Variants in SGCZ observed in about 807,000 individuals in gnomAD.
SGCZ encodes the protein sarcoglycan zeta.
SGCZ carries 40 observed loss-of-function variants against 41.3 expected under a neutral mutation model. That is an observed-to-expected ratio of 0.97 (90% CI 0.75 to 1.26). SGCZ has a LOEUF of 1.26. Among genes scored for constraint, SGCZ ranks in the 50% most tolerant of loss-of-function variants. The pLI, the probability that SGCZ is intolerant of heterozygous loss-of-function variation, is 0.00. For synonymous variants in SGCZ, 206 were observed against 137.5 expected (o/e 1.50, Z -3.49); for missense variants, 552 against 369.8 (o/e 1.49, Z -4.04).
chr8:14,159,594 C>T (rs1329603796), intron 5 of SGCZ, among the ~76,000 whole-genome samples: 1 of 152,168 alleles, frequency 6.6e-6, no homozygotes, highest in Non-Finnish European at 1.5e-5. Context: ...AGTTGAGTGA[C>T]TGATCCAGGT....
rs766120059 is a variant in SGCZ at position 15,237,665 on chromosome 8, CACCCAAAA to C, written c.-50_-43del. 6 of 1,560,296 alleles carry C rather than the reference CACCCAAAA, an allele frequency of 3.8e-6. No individual in the cohort carries two copies. Among genetic ancestry groups the C allele is most frequent in the Non-Finnish European group, 5.2e-6 (6 of 1,150,234 alleles). ...AAGTGGAGAGGAACCGGGCGAGTGGCACCCAAAAACAATCTAGTCTTTTAGTTTCCAGC... is the reference window on the plus strand; with the variant it reads ...AAGTGGAGAGGAACCGGGCGAGTGGCACAATCTAGTCTTTTAGTTTCCAGC... On this transcript the variant is annotated 5_prime_UTR_variant, in exon 1 of 8. Coordinates refer to ENST00000382080, the MANE Select transcript of SGCZ (RefSeq NM_139167.4).
chr8:14,735,904 G>C (rs985883896), intron 1 of SGCZ, among the ~76,000 whole-genome samples: 2 of 152,036 alleles, frequency 1.3e-5, no homozygotes, highest in African/African-American at 2.4e-5. Flanking sequence ...AGCGAGTAAA[G>C]CCATTCCTGA....
chr8:14,489,268 C>A (rs1801771824), intron 2 of SGCZ, among the ~76,000 whole-genome samples: 2 of 151,978 alleles, frequency 1.3e-5, no homozygotes. Context: ...TTTAAACTAC[C>A]ACTTACTACA....
At chr8:14,468,583 T>C (rs186197168) in intron 2 of SGCZ, among the ~76,000 whole-genome samples, 1 of 152,094 alleles carries the variant, frequency 6.6e-6, no homozygotes, top group South Asian at 2.1e-4. Flanking sequence ...CAGCAAATAA[T>C]TGACTTAACG....
At chr8:14,761,249 T>C (rs1799861771) in intron 1 of SGCZ, among the ~76,000 whole-genome samples, 1 of 152,110 alleles carries the variant, frequency 6.6e-6, no homozygotes, top group African/African-American at 2.4e-5. Flanking sequence ...AGCACATTTC[T>C]GAAAAGTACA....
At chr8:14,971,205 G>A (rs567124466) in intron 1 of SGCZ, among the ~76,000 whole-genome samples, 2 of 152,112 alleles carry the variant, frequency 1.3e-5, no homozygotes, top group Admixed American at 6.5e-5. Context: ...TTAGTTTCAT[G>A]TCTTCTTTTT....
chr8:14,285,895 A>T (rs1325830833), intron 3 of SGCZ, among the ~76,000 whole-genome samples: 2 of 152,108 alleles, frequency 1.3e-5, no homozygotes, highest in Non-Finnish European at 2.9e-5. Context: ...AATTTTATGT[A>T]AAAAAGGAGA....
At chr8:14,369,473 T>C (rs73664326) in intron 2 of SGCZ, among the ~76,000 whole-genome samples, 10,503 of 152,022 alleles carry the variant, frequency 0.069, 1,101 homozygotes, top group African/African-American at 0.22. Flanking sequence ...CTAGAGGCAC[T>C]CAATGGCAGT....
intron 2 of SGCZ, among the ~76,000 whole-genome samples, chr8:14,521,902 G>C (rs552163180): frequency 1.3e-5 from 2 of 152,190 alleles, no homozygotes; most frequent in South Asian, 4.2e-4. Context: ...GTTTGCTGTA[G>C]ATGCTGTACG....
chr8:14,565,040 A>G (rs1011569370), intron 1 of SGCZ, among the ~76,000 whole-genome samples: 1 of 152,112 alleles, frequency 6.6e-6, no homozygotes, highest in Non-Finnish European at 1.5e-5. Context: ...ACTGAATTTC[A>G]AGAATGATGA....
rs576000498 is a variant in SGCZ at position 14,250,677 on chromosome 8, G to C, written c.337-12998C>G. On this transcript the variant is annotated intron_variant, in intron 3 of 7. Coordinates refer to ENST00000382080, the MANE Select transcript of SGCZ (RefSeq NM_139167.4). ...TGACAGATATATAATTTTTGTATTT[G>C]AGTTAACCCTTGAGATGCCAGAATC... 2.0e-5 allele frequency among the ~76,000 whole-genome samples: 3 copies of C among 152,256 alleles called. No individual in the cohort carries two copies. In the South Asian group the frequency reaches 6.2e-4, roughly 32 times the overall value.
At position 15,003,045 on chromosome 8, in the gene SGCZ, G is replaced by A. The variant is rs117667349; in HGVS notation, c.39+234540C>T. On this transcript the variant is annotated intron_variant, in intron 1 of 7. Transcript: ENST00000382080. ...TAACTTTGCTCCTCCTTCACTTTTC[G>A]CCGTGATTGTGAGGCCTCCCCAGCC... Among the ~76,000 whole-genome samples the A allele has an allele frequency of 6.1e-3, 935 of 152,078 alleles. 5 individuals carry two copies. Among genetic ancestry groups the A allele is most frequent in the Non-Finnish European group, 0.011 (726 of 67,982 alleles).
In SGCZ at chr8:14,462,767, G is replaced by C. The variant is rs73519361; in HGVS notation, c.234+91965C>G. Reference sequence around the variant, plus strand: ...TATTTATGCAAGAAAAAGTCATTGGGATTTGGATAAGGATCGCATTGAATC... The same window carrying C: ...TATTTATGCAAGAAAAAGTCATTGGCATTTGGATAAGGATCGCATTGAATC... On this transcript the variant is annotated intron_variant, in intron 2 of 7. Coordinates refer to ENST00000382080, the MANE Select transcript of SGCZ (RefSeq NM_139167.4). Among the ~76,000 whole-genome samples the C allele has an allele frequency of 9.9e-3, 1,498 of 151,854 alleles. 20 individuals are homozygous for C. The highest frequency in any genetic ancestry group is 0.034 in the African/African-American group (1,394 of 41,502).
intron 6 of SGCZ, among the ~76,000 whole-genome samples, chr8:14,104,040 C>A (rs1802126737): frequency 6.6e-6 from 1 of 152,134 alleles, no homozygotes; most frequent in Non-Finnish European, 1.5e-5. Context: ...GTCTCCTGTC[C>A]ACTGAGGAGG....
chr8:14,928,505 A>T (rs1212797678), intron 1 of SGCZ, among the ~76,000 whole-genome samples: 2 of 152,186 alleles, frequency 1.3e-5, no homozygotes, highest in African/African-American at 2.4e-5. Context: ...ATTACCAGAC[A>T]TAAGAGATTT....
intron 1 of SGCZ, among the ~76,000 whole-genome samples, chr8:14,886,158 T>C (rs539049497): frequency 1.3e-5 from 2 of 151,422 alleles, no homozygotes; most frequent in East Asian, 2.0e-4. Context: ...ACCGTTAGTA[T>C]TGAACATTGT....
intron 3 of SGCZ, among the ~76,000 whole-genome samples, chr8:14,249,785 C>T (rs933734117): frequency 1.3e-5 from 2 of 152,002 alleles, no homozygotes; most frequent in Non-Finnish European, 2.9e-5. Context: ...ATGACTGGAG[C>T]GATTTCAAAC....
At chr8:14,366,075 A>G (rs1331854303) in intron 2 of SGCZ, among the ~76,000 whole-genome samples, 1 of 152,124 alleles carries the variant, frequency 6.6e-6, no homozygotes, top group Non-Finnish European at 1.5e-5. Flanking sequence ...GATCATTTTT[A>G]TCATATTTTT....
intron 1 of SGCZ, among the ~76,000 whole-genome samples, chr8:15,226,563 C>A (rs1801781293): frequency 6.6e-6 from 1 of 152,156 alleles, no homozygotes; most frequent in Non-Finnish European, 1.5e-5. Context: ...TTAGAGACCT[C>A]TAAATCCCTC....
Sources: gnomAD v4.1 joint callset for allele counts (sites outside exome capture counted in the v4.1 genomes callset) on GRCh38, gnomAD v4.1.1 for gene constraint, MANE v1.5 for transcripts, NCBI Gene and HGNC (gene_info 2026-07-23, HGNC 2026-07-21) for gene names.